Variants in CYP27A1 observed in about 807,000 individuals in gnomAD.
The protein encoded by CYP27A1 is cytochrome P450 family 27 subfamily A member 1, also known as sterol 26-hydroxylase, mitochondrial.
A neutral mutation model predicts 58.2 loss-of-function variants in CYP27A1; 46 were observed. The observed-to-expected ratio is 0.79, with a 90% CI of 0.62 to 1.01. The LOEUF (loss-of-function observed/expected upper bound fraction) is 1.01. Among genes scored for constraint, CYP27A1 ranks in the 50% least tolerant of loss-of-function variants. The pLI is 0.00. For missense variants in CYP27A1, 704 were observed against 687.0 expected (o/e 1.02, Z -0.28); for synonymous variants, 274 against 285.1 (o/e 0.96, Z 0.39).
intron 1 of CYP27A1, among the ~76,000 whole-genome samples, chr2:218,783,257 C>CAAAAA (rs371442397): frequency 1.3e-5 from 1 of 79,530 alleles, no homozygotes; most frequent in Non-Finnish European, 2.6e-5. Flanking sequence ...AACTCTGTCT[C>CAAAAA]AAAAAAAAAA....
At chr2:218,804,754 CCTT>C (rs546718096) in intron 1 of CYP27A1, among the ~76,000 whole-genome samples, 3 of 152,172 alleles carry the variant, frequency 2.0e-5, no homozygotes, top group African/African-American at 2.4e-5. Context: ...TGTTTCACCT[CCTT>C]GGTTAAAAGT....
At chr2:218,792,665 T>C (rs1358331570) in intron 1 of CYP27A1, among the ~76,000 whole-genome samples, 2 of 152,196 alleles carry the variant, frequency 1.3e-5, no homozygotes, top group Non-Finnish European at 2.9e-5. Context: ...CAAATAGTCA[T>C]AGTTAATGAC....
Position 218,814,473 on chromosome 2 carries a change from A to G in CYP27A1, c.1263+15A>G, listed in dbSNP as rs1213015449. On this transcript the variant is annotated intron_variant, in intron 7 of 8. Transcript: ENST00000258415. ...TCCCCAAGAACGTGAGTGGGGCTAGAGAGCCCGATTGCCCAGGAGTGCCCT... is the reference window on the plus strand; with the variant it reads ...TCCCCAAGAACGTGAGTGGGGCTAGGGAGCCCGATTGCCCAGGAGTGCCCT... The G allele has an allele frequency of 1.2e-6, 2 of 1,613,712 alleles. No homozygotes were observed. Among genetic ancestry groups the G allele is most frequent in the Admixed American group, 1.7e-5 (1 of 60,006 alleles).
intron 1 of CYP27A1, among the ~76,000 whole-genome samples, chr2:218,805,129 G>A (rs1943638126): frequency 6.6e-6 from 1 of 152,202 alleles, no homozygotes; most frequent in Admixed American, 6.5e-5. Context: ...AAGAATTTGA[G>A]GGGAGTGCAG....
intron 1 of CYP27A1, among the ~76,000 whole-genome samples, chr2:218,792,104 A>T (rs981803765): frequency 1.3e-5 from 2 of 152,056 alleles, no homozygotes; most frequent in Non-Finnish European, 2.9e-5. Context: ...GGATCATTTT[A>T]TGTTTTTCAT....
rs776992864 is a variant in CYP27A1 at position 218,809,767 on chromosome 2, C to T, written c.446C>T (p.Thr149Met). ...QHDLTYGPFTTEGHHWYQLRQ... is the reference protein window; with the variant it reads ...QHDLTYGPFTMEGHHWYQLRQ... ...GACCTGACCTATGGGCCGTTCACCA[C>T]GTGAGCTGGGGCCTGAAGGGACTGG... Residue 149 changes from threonine (T) to methionine (M), a missense_variant and splice_region_variant, in exon 2 of 9, where the codon ACG becomes ATG. By Grantham distance (81) the Thr-to-Met change is moderately conservative. Coordinates refer to ENST00000258415, the MANE Select transcript of CYP27A1 (RefSeq NM_000784.4). The T allele has an allele frequency of 1.9e-5, 31 of 1,612,462 alleles. No individual in the cohort carries two copies. The African/African-American group carries it at 2.4e-4, about 13-fold the overall frequency.
chr2:218,813,797 G>A (rs1249448026), intron 5 of CYP27A1, among the ~76,000 whole-genome samples: 2 of 151,748 alleles, frequency 1.3e-5, no homozygotes, highest in Admixed American at 6.6e-5. Flanking sequence ...CTGTGTTGCC[G>A]TCCCCTCCTC....
At chr2:218,792,132 A>G (rs1475737074) in intron 1 of CYP27A1, among the ~76,000 whole-genome samples, 3 of 152,194 alleles carry the variant, frequency 2.0e-5, no homozygotes, top group Non-Finnish European at 4.4e-5. Context: ...TATGGAATGC[A>G]GAACTTTTAA....
chr2:218,786,039 C>A (rs1036322792), intron 1 of CYP27A1, among the ~76,000 whole-genome samples: 1 of 152,190 alleles, frequency 6.6e-6, no homozygotes, highest in African/African-American at 2.4e-5. Flanking sequence ...AGTCCCCCAG[C>A]TACTTGGGAG....
chr2:218,805,474 C>A (rs1309568345), intron 1 of CYP27A1, among the ~76,000 whole-genome samples: 1 of 152,160 alleles, frequency 6.6e-6, no homozygotes, highest in Non-Finnish European at 1.5e-5. Flanking sequence ...GTTGAAGAGA[C>A]AAGACATCCG....
chr2:218,798,827 G>T (rs143312134), intron 1 of CYP27A1, among the ~76,000 whole-genome samples: 1 of 152,192 alleles, frequency 6.6e-6, no homozygotes, highest in Non-Finnish European at 1.5e-5. Flanking sequence ...AAATTGTAGT[G>T]AGCTGAGATT....
chr2:218,782,329 T>A lies in CYP27A1; in HGVS notation c.147T>A (p.Gly49=). 6.2e-7 allele frequency: 1 copy of A among 1,613,218 alleles called. No homozygotes were observed. Among genetic ancestry groups the A allele is most frequent in the South Asian group, 1.1e-5 (1 of 90,982 alleles). ...CCGGAGCTCCCGGAGCCGGGCCTGGTGTCCGGCGGCGGCAACGGAGCTTAG... is the reference window on the plus strand; with the variant it reads ...CCGGAGCTCCCGGAGCCGGGCCTGGAGTCCGGCGGCGGCAACGGAGCTTAG... The part of the protein sequence containing the change: ...KATGAPGAGP[G]VRRRQRSLEE... Residue 49 remains glycine, a synonymous_variant, in exon 1 of 9, where the codon GGT becomes GGA. Transcript: ENST00000258415. This position sits in a 1 kb window ranked among gnomAD's most constrained non-coding sequence, Gnocchi z 4.1.
chr2:218,789,960 C>T (rs1943476239), intron 1 of CYP27A1, among the ~76,000 whole-genome samples: 1 of 152,186 alleles, frequency 6.6e-6, no homozygotes, highest in African/African-American at 2.4e-5. Context: ...GTTCTAGGAT[C>T]TATTTGTTTC....
In CYP27A1 at chr2:218,812,435, G is replaced by A; in HGVS notation, c.646+14G>A. 6.2e-7 allele frequency: 1 copy of A among 1,614,114 alleles called. No individual in the cohort carries two copies. Among genetic ancestry groups the A allele is most frequent in the Non-Finnish European group, 8.5e-7 (1 of 1,179,930 alleles). ...TTGCCTTGGAAGGTACCCTTGCTGG[G>A]AGAGGGGCTGGGGAAGGGAATGGGT... On this transcript the variant is annotated intron_variant, in intron 3 of 8. Coordinates refer to ENST00000258415, the MANE Select transcript of CYP27A1 (RefSeq NM_000784.4).
intron 1 of CYP27A1, among the ~76,000 whole-genome samples, chr2:218,788,204 G>T (rs1943457496): frequency 6.6e-6 from 1 of 152,212 alleles, no homozygotes; most frequent in Admixed American, 6.5e-5. Flanking sequence ...TGCATGTTTT[G>T]TGCCTGGCCT....
Position 218,782,248 on chromosome 2 carries a change from C to A in CYP27A1, c.66C>A (p.Pro22=). Residue 22 remains proline, a synonymous_variant, in exon 1 of 9, where the codon CCC becomes CCA. Coordinates refer to ENST00000258415, the MANE Select transcript of CYP27A1 (RefSeq NM_000784.4). The surrounding 1 kb of genome is among the most constrained non-coding windows in gnomAD (Gnocchi z 4.1). ...GAGGGGCCGGCCGTGGCCTCTGCCC[C>A]CACGGGGCCAGAGCCAAGGCCGCGA... is the stretch of plus-strand genomic sequence containing the variant. ...ALRGAGRGLC[P]HGARAKAAIP... 6.4e-7 allele frequency: 1 copy of A among 1,552,500 alleles called. No homozygotes were observed. Among genetic ancestry groups the A allele is most frequent in the Non-Finnish European group, 8.7e-7 (1 of 1,150,096 alleles).
At chr2:218,811,384 TA>T (rs1302192342) in intron 2 of CYP27A1, among the ~76,000 whole-genome samples, 1 of 152,206 alleles carries the variant, frequency 6.6e-6, no homozygotes, top group African/African-American at 2.4e-5. Flanking sequence ...CTTATTGCTC[TA>T]CAGCTAGCCT....
intron 5 of CYP27A1, 81 bp from the exon 6 acceptor site, chr2:218,813,940 A>G (rs923301913): frequency 6.6e-7 from 1 of 1,506,138 alleles, no homozygotes; most frequent in Non-Finnish European, 9.2e-7. Flanking sequence ...CACATTTTGC[A>G]TACACCCACT....
intron 1 of CYP27A1, among the ~76,000 whole-genome samples, chr2:218,794,665 G>C (rs1037528199): frequency 6.6e-6 from 1 of 152,152 alleles, no homozygotes; most frequent in African/African-American, 2.4e-5. Context: ...CCAGTTTAAG[G>C]TTTGGGAAAT....
Sources: allele counts gnomAD v4.1 joint callset (sites outside exome capture counted in the v4.1 genomes callset), GRCh38; gene constraint gnomAD v4.1.1; non-coding constraint Gnocchi (gnomAD v3.1); transcripts MANE v1.5; gene names NCBI Gene and HGNC (gene_info 2026-07-23, HGNC 2026-07-21).